The following CA12 variants were observed in gnomAD, a reference collection of about 807,000 sequenced individuals.
CA12 encodes carbonic anhydrase 12.
In CA12, 36 loss-of-function variants were observed where a neutral mutation model predicts 46.8. That is an observed-to-expected ratio of 0.77 (90% confidence interval 0.59 to 1.02). The LOEUF (loss-of-function observed/expected upper bound fraction) is 1.02. Ranked by LOEUF, CA12 falls within the 50% of genes least tolerant of loss-of-function variation. CA12 has a pLI of 0.00. For missense variants in CA12, 436 were observed against 451.4 expected (o/e 0.97, Z 0.31); for synonymous variants, 202 against 187.0 (o/e 1.08, Z -0.65).
Position 63,324,855 on chromosome 15 carries a change from G to T in CA12, c.*1430C>A, listed in dbSNP as rs377708774. The T allele has an allele frequency of 1.3e-5, 2 of 152,038 alleles. No homozygotes were observed. Among genetic ancestry groups the T allele is most frequent in the African/African-American group, 4.8e-5 (2 of 41,390 alleles). 9.4% of individuals were successfully genotyped at this position (152,038 alleles called of 1,614,324 possible). On this transcript the variant is annotated 3_prime_UTR_variant, in exon 11 of 11. Coordinates refer to ENST00000178638, the MANE Select transcript of CA12 (RefSeq NM_001218.5). ...GTAGAAGGAAAAAGATATTTAAAAA[G>T]CTATGCTTCAAGAGGACATTTCATG...
At position 63,326,361 on chromosome 15, in the gene CA12, G is replaced by C. The variant is rs760512486; in HGVS notation, c.993-4C>G. 6.2e-7 allele frequency: 1 copy of C among 1,609,026 alleles called. No individual in the cohort carries two copies. The highest frequency in any genetic ancestry group is 1.1e-5 in the South Asian group (1 of 90,966). On this transcript the variant is annotated splice_polypyrimidine_tract_variant and splice_region_variant and intron_variant, in intron 10 of 10. Transcript: ENST00000178638. ...CTTGTTATCACCTTTTTTGATACTA[G>C]AACAGAAAGAACACATAACTCTTGT...
rs1360389797 is a variant in CA12, at chr15:63,374,907, C to G, written c.106+751G>C. ...TGCATCTTCTGTGGCTGTGCCCCAACAAGACATTATCAACATTCCCGCACT... is the reference window on the plus strand; with the variant it reads ...TGCATCTTCTGTGGCTGTGCCCCAAGAAGACATTATCAACATTCCCGCACT... On this transcript the variant is annotated intron_variant, in intron 2 of 10. Coordinates refer to ENST00000178638, the MANE Select transcript of CA12 (RefSeq NM_001218.5). This position sits in a 1 kb window ranked among gnomAD's most constrained non-coding sequence, Gnocchi z 4.4. 2.0e-5 allele frequency among the ~76,000 whole-genome samples: 3 copies of G among 152,178 alleles called. No homozygotes were observed. The highest frequency in any genetic ancestry group is 7.2e-5 in the African/African-American group (3 of 41,432).
rs1447200203 is a variant in CA12, at chr15:63,355,695, G to T, written c.107-8986C>A. Among the ~76,000 whole-genome samples, 1 of 152,224 alleles carries T rather than the reference G, an allele frequency of 6.6e-6. No individual in the cohort carries two copies. Among genetic ancestry groups the T allele is most frequent in the African/African-American group, 2.4e-5 (1 of 41,450 alleles). On this transcript the variant is annotated intron_variant, in intron 2 of 10. Coordinates refer to ENST00000178638, the MANE Select transcript of CA12 (RefSeq NM_001218.5). The surrounding 1 kb of genome is among the most constrained non-coding windows in gnomAD (Gnocchi z 4.1). ...AGCAAACCACTAAGTTAAACAAACTGCTGACATGCTAACAACCTAACCCCT... is the reference window on the plus strand; with the variant it reads ...AGCAAACCACTAAGTTAAACAAACTTCTGACATGCTAACAACCTAACCCCT...
At chr15:63,334,407 C>T (rs2038973424) in intron 8 of CA12, among the ~76,000 whole-genome samples, 1 of 151,590 alleles carries the variant, frequency 6.6e-6, no homozygotes, top group East Asian at 1.9e-4. Flanking sequence ...TGGCATGCAC[C>T]ACCATGCCTG....
chr15:63,353,331 G>A (rs990504599), intron 2 of CA12, among the ~76,000 whole-genome samples: 24 of 152,116 alleles, frequency 1.6e-4, no homozygotes, highest in Admixed American at 6.5e-4. Flanking sequence ...GAGGAATGGC[G>A]TTCACTAGAG....
chr15:63,343,779 C>A (rs879896865), intron 4 of CA12, among the ~76,000 whole-genome samples: 5 of 151,796 alleles, frequency 3.3e-5, no homozygotes, highest in Non-Finnish European at 5.9e-5. Flanking sequence ...AACACATAAA[C>A]CCTGCCAATC....
In CA12 at chr15:63,338,865, C is replaced by G; in HGVS notation, c.828G>C (p.Gln276His). 6.2e-7 allele frequency: 1 copy of G among 1,614,174 alleles called. No individual in the cohort carries two copies. The highest frequency in any genetic ancestry group is 8.5e-7 in the Non-Finnish European group (1 of 1,180,014). ...CCAGCCTCTCATCGAACTTCTGGAC[C>G]TGCCGGAAGTTGTTGATCATTTCTC... is the stretch of plus-strand genomic sequence containing the variant. ...SPREMINNFR[Q>H]VQKFDERLVY... is the part of the protein sequence containing the mutation. The change falls in exon 8 of 11, where the codon CAG becomes CAC. Residue 276 changes from glutamine (Q) to histidine (H), a missense_variant. Physicochemically the swap from Gln to His is conservative, Grantham distance 24. Transcript: ENST00000178638.
rs980854532 is a variant in CA12, at chr15:63,327,501, T to G, written c.908-268A>C. On this transcript the variant is annotated intron_variant, in intron 9 of 10. Transcript: ENST00000178638. The surrounding 1 kb of genome is among the most constrained non-coding windows in gnomAD (Gnocchi z 4.5). ...TGAAGAGCTTGTTTAAAATGTAGGGTTTTTTTTTTTTTTTTAGCCCAACCC... is the reference window on the plus strand; with the variant it reads ...TGAAGAGCTTGTTTAAAATGTAGGGGTTTTTTTTTTTTTTTAGCCCAACCC... Among the ~76,000 whole-genome samples the G allele has an allele frequency of 2.6e-4, 18 of 68,216 alleles. No homozygotes were observed. The highest frequency in any genetic ancestry group is 8.8e-4 in the African/African-American group (17 of 19,368). The allele number at this position is 68,216 out of a possible 152,430, so 44.8% of individuals were successfully genotyped here.
intron 4 of CA12, among the ~76,000 whole-genome samples, chr15:63,342,557 C>T (rs2039094393): frequency 6.6e-6 from 1 of 152,174 alleles, no homozygotes; most frequent in Non-Finnish European, 1.5e-5. Flanking sequence ...GTAAATATTT[C>T]TGATCAGACC....
At chr15:63,380,713 A>C (rs1055267181) in intron 1 of CA12, among the ~76,000 whole-genome samples, 1 of 152,206 alleles carries the variant, frequency 6.6e-6, no homozygotes, top group Non-Finnish European at 1.5e-5. Flanking sequence ...TGTGACCTCC[A>C]AGAGAGGAGG....
At chr15:63,336,447 T>C (rs2039005220) in intron 8 of CA12, among the ~76,000 whole-genome samples, 1 of 151,814 alleles carries the variant, frequency 6.6e-6, no homozygotes, top group Admixed American at 6.6e-5. Context: ...ACACTGTCCC[T>C]GCAATGTAAA....
rs1434769525 is a variant in CA12 at position 63,327,142 on chromosome 15, A to C, written c.992+7T>G. The C allele has an allele frequency of 6.2e-7, 1 of 1,613,354 alleles. No homozygotes were observed. Among genetic ancestry groups the C allele is most frequent in the South Asian group, 1.1e-5 (1 of 91,056 alleles). On this transcript the variant is annotated splice_region_variant and intron_variant, in intron 10 of 10. Coordinates refer to ENST00000178638, the MANE Select transcript of CA12 (RefSeq NM_001218.5). The surrounding 1 kb of genome is among the most constrained non-coding windows in gnomAD (Gnocchi z 4.5). ...TCCATTCCCATTTTGGACCCAAACCAGCTCACCTCTTCCTTCTGAAAAGCC... is the reference window on the plus strand; with the variant it reads ...TCCATTCCCATTTTGGACCCAAACCCGCTCACCTCTTCCTTCTGAAAAGCC...
intron 2 of CA12, among the ~76,000 whole-genome samples, chr15:63,347,012 C>T (rs2039159405): frequency 6.6e-6 from 1 of 152,198 alleles, no homozygotes; most frequent in Non-Finnish European, 1.5e-5. Context: ...GACCTGTTGA[C>T]TTTCAGCAAT....
intron 2 of CA12, among the ~76,000 whole-genome samples, chr15:63,369,433 G>A (rs1430887828): frequency 6.6e-6 from 1 of 152,236 alleles, no homozygotes; most frequent in Non-Finnish European, 1.5e-5. Flanking sequence ...CTCTCTCCAT[G>A]TGTTATCTTA....
chr15:63,346,655 A>G lies in CA12; in HGVS notation c.161T>C (p.Leu54Pro), dbSNP rs1325432065. The change falls in exon 3 of 11, where the codon CTG becomes CCG. Residue 54 changes from leucine (L) to proline (P), a missense_variant. Coordinates refer to ENST00000178638, the MANE Select transcript of CA12 (RefSeq NM_001218.5). ...SKKYPSCGGL[L>P]QSPIDLHSDI... ...ACTGTGCAGGTCTATGGGGGACTGC[A>G]GCAGGCCCCCACACGACGGGTACTT... is the stretch of plus-strand genomic sequence containing the variant. The G allele has an allele frequency of 8.7e-6, 14 of 1,613,658 alleles. No homozygotes were observed. Among genetic ancestry groups the G allele is most frequent in the Non-Finnish European group, 1.2e-5 (14 of 1,179,638 alleles).
chr15:63,343,443 G>A (rs1256857634), intron 4 of CA12, among the ~76,000 whole-genome samples: 2 of 151,802 alleles, frequency 1.3e-5, no homozygotes, highest in Admixed American at 6.6e-5. Context: ...CACCAAGCCC[G>A]GCTAATTTTG....
rs8040508 is a variant in CA12, at chr15:63,331,048, C to A, written c.875-2918G>T. 0.019 allele frequency among the ~76,000 whole-genome samples: 2,923 copies of A among 152,304 alleles called. 47 individuals are homozygous for A. The highest frequency in any genetic ancestry group is 0.043 in the African/African-American group (1,805 of 41,552). ...GCGAGGGTGTCACCCGATAGTTCCA[C>A]CACCTCAGGAAGCCCAGGGCAGGAA... On this transcript the variant is annotated intron_variant, in intron 8 of 10. Transcript: ENST00000178638. This position sits in a 1 kb window ranked among gnomAD's most constrained non-coding sequence, Gnocchi z 5.3.
At chr15:63,358,927 C>T (rs1263739116) in intron 2 of CA12, among the ~76,000 whole-genome samples, 2 of 152,122 alleles carry the variant, frequency 1.3e-5, no homozygotes, top group African/African-American at 4.8e-5. Context: ...GTGGCACTAA[C>T]CCCCCACTCC....
In CA12 at chr15:63,381,630, C is replaced by T. The variant is rs751959482; in HGVS notation, c.85+6G>A. 1.2e-6 allele frequency: 2 copies of T among 1,609,356 alleles called. No homozygotes were observed. The highest frequency in any genetic ancestry group is 1.3e-5 in the African/African-American group (1 of 74,966). On this transcript the variant is annotated splice_donor_region_variant and intron_variant, in intron 1 of 10. Coordinates refer to ENST00000178638, the MANE Select transcript of CA12 (RefSeq NM_001218.5). ...GTGTTAGGAAAGAAGCAGGCGGAAACTTTACCGTTCACTGGGGCCGGGCTG... is the reference window on the plus strand; with the variant it reads ...GTGTTAGGAAAGAAGCAGGCGGAAATTTTACCGTTCACTGGGGCCGGGCTG...
Sources: allele counts gnomAD v4.1 joint callset (sites outside exome capture counted in the v4.1 genomes callset), GRCh38; gene constraint gnomAD v4.1.1; non-coding constraint Gnocchi (gnomAD v3.1); transcripts MANE v1.5; gene names NCBI Gene and HGNC (gene_info 2026-07-23, HGNC 2026-07-21).